The following MSRA variants were observed in gnomAD, a reference collection of about 807,000 sequenced individuals.
MSRA encodes mitochondrial peptide methionine sulfoxide reductase.
MSRA carries 54 observed loss-of-function variants against 31.3 expected under a neutral mutation model. The observed-to-expected ratio is 1.73, with a 90% CI of 1.39 to 2.17. The LOEUF is 2.17. MSRA is among the 30% of genes most tolerant of loss of function. The pLI is 0.00. For synonymous variants in MSRA, 169 were observed against 116.5 expected (o/e 1.45, Z -2.90); for missense variants, 507 against 300.9 (o/e 1.69, Z -5.07).
At chr8:10,374,523 T>C (rs530257557) in intron 5 of MSRA, among the ~76,000 whole-genome samples, 1 of 152,278 alleles carries the variant, frequency 6.6e-6, no homozygotes, top group African/African-American at 2.4e-5. Flanking sequence ...TCAGAAATAT[T>C]TTACAAATCG....
intron 3 of MSRA, among the ~76,000 whole-genome samples, chr8:10,264,686 C>T (rs1047886513): frequency 1.3e-5 from 2 of 152,174 alleles, no homozygotes; most frequent in Non-Finnish European, 2.9e-5. Flanking sequence ...AGCAAATGGC[C>T]TTCTGGTGCA....
At chr8:10,236,042 T>A (rs1407729678) in intron 2 of MSRA, among the ~76,000 whole-genome samples, 1 of 152,168 alleles carries the variant, frequency 6.6e-6, no homozygotes, top group Non-Finnish European at 1.5e-5. Context: ...TATGATCATC[T>A]CAGAAGAAAG....
intron 1 of MSRA, among the ~76,000 whole-genome samples, chr8:10,072,245 C>T (rs1338397184): frequency 6.6e-6 from 1 of 152,044 alleles, no homozygotes; most frequent in Admixed American, 6.5e-5. Context: ...GCCCAGGGCC[C>T]ATTCTTAGGC....
chr8:10,086,861 A>AGAGAGGGAGG (rs1381298811), intron 1 of MSRA, among the ~76,000 whole-genome samples: 1 of 150,382 alleles, frequency 6.6e-6, no homozygotes, highest in Admixed American at 6.6e-5. Context: ...AGAGGAGAGA[A>AGAGAGGGAGG]GAGAGGGAGG....
chr8:10,329,051 A>T (rs937046481), intron 5 of MSRA, among the ~76,000 whole-genome samples: 2 of 152,180 alleles, frequency 1.3e-5, no homozygotes, highest in Non-Finnish European at 2.9e-5. Flanking sequence ...TGCTATTATG[A>T]TCGTACAACA....
At chr8:10,088,110 C>G (rs1798664039) in intron 1 of MSRA, among the ~76,000 whole-genome samples, 1 of 152,128 alleles carries the variant, frequency 6.6e-6, no homozygotes, top group South Asian at 2.1e-4. Context: ...TAGAGGTAGT[C>G]TGTTCATTTT....
intron 5 of MSRA, chr8:10,353,479 TACCGGAGG>T (rs1804316885): frequency 3.3e-6 from 1 of 306,472 alleles, no homozygotes; most frequent in South Asian, 2.0e-5. Context: ...CTGTATTTGG[TACCGGAGG>T]CCCGGAGGCC....
rs1273941584 is a variant in MSRA, at chr8:10,172,284, G to C, written c.143-35549G>C. ...GCTCATGGATTCCAGATCAGCAAAG[G>C]AATGCCATTTAGGAGGCCTTGGGAG... On this transcript the variant is annotated intron_variant, in intron 1 of 5. Transcript: ENST00000317173. 2.6e-5 allele frequency among the ~76,000 whole-genome samples: 4 copies of C among 152,188 alleles called. No individual in the cohort carries two copies. The East Asian group carries it at 5.8e-4, about 22-fold the overall frequency.
intron 3 of MSRA, among the ~76,000 whole-genome samples, chr8:10,249,937 C>A (rs1016466655): frequency 3.9e-5 from 6 of 152,152 alleles, no homozygotes; most frequent in Admixed American, 2.0e-4. Flanking sequence ...ATTAAATATG[C>A]CACTTACTGG....
rs145077055 is a variant in MSRA at position 10,123,081 on chromosome 8, G to C, written c.142+68423G>C. ...GACTGCTCTGTCAAATAGCAGTTCT[G>C]TTTTTAGCTCTTCGAGGAATTGCCA... On this transcript the variant is annotated intron_variant, in intron 1 of 5. Coordinates refer to ENST00000317173, the MANE Select transcript of MSRA (RefSeq NM_012331.5). 1.6e-4 allele frequency among the ~76,000 whole-genome samples: 24 copies of C among 152,300 alleles called. No homozygotes were observed. In the East Asian group the frequency reaches 4.6e-3, roughly 29 times the overall value.
intron 1 of MSRA, among the ~76,000 whole-genome samples, chr8:10,100,088 C>A (rs904011426): frequency 6.6e-6 from 1 of 152,098 alleles, no homozygotes; most frequent in Admixed American, 6.5e-5. Context: ...GCACTAGGGG[C>A]CTTTGAGGGA....
At chr8:10,186,482 A>T (rs1342062218) in intron 1 of MSRA, among the ~76,000 whole-genome samples, 1 of 152,230 alleles carries the variant, frequency 6.6e-6, no homozygotes, top group Non-Finnish European at 1.5e-5. Flanking sequence ...TTGTTCAGCC[A>T]TTAAAATATA....
At chr8:10,054,706 G>C in intron 1 of MSRA, 48 bp downstream of exon 1, 1 of 1,447,244 alleles carries the variant, frequency 6.9e-7, no homozygotes, top group Non-Finnish European at 9.2e-7. Context: ...CTGCGCATGC[G>C]CGCCTTTGCC....
At chr8:10,146,193 G>T (rs1450614112) in intron 1 of MSRA, among the ~76,000 whole-genome samples, 1 of 152,214 alleles carries the variant, frequency 6.6e-6, no homozygotes, top group Non-Finnish European at 1.5e-5. Context: ...CGTAAAGGAA[G>T]AACCCATATT....
chr8:10,155,160 G>C (rs1451363083), intron 1 of MSRA, among the ~76,000 whole-genome samples: 1 of 152,040 alleles, frequency 6.6e-6, no homozygotes, highest in Non-Finnish European at 1.5e-5. Context: ...CGACAATAAG[G>C]ATAAAGAAAT....
intron 5 of MSRA, among the ~76,000 whole-genome samples, chr8:10,342,807 G>T (rs1803514083): frequency 6.6e-6 from 1 of 152,230 alleles, no homozygotes; most frequent in Admixed American, 6.5e-5. Context: ...CTGCATCCCA[G>T]TTGAGTGACT....
rs971842435 is a variant in MSRA at position 10,149,509 on chromosome 8, C to T, written c.143-58324C>T. ...TGTGCTGATTGAAGGGAGAAGGTCG[C>T]ACCTTATTACAACTTACATCGCCAC... On this transcript the variant is annotated intron_variant, in intron 1 of 5. Coordinates refer to ENST00000317173, the MANE Select transcript of MSRA (RefSeq NM_012331.5). 3.9e-5 allele frequency among the ~76,000 whole-genome samples: 6 copies of T among 152,176 alleles called. 1 individual carries two copies. Among genetic ancestry groups the T allele is most frequent in the East Asian group, 1.9e-4 (1 of 5,158 alleles).
At chr8:10,391,646 A>G (rs544270009) in intron 5 of MSRA, among the ~76,000 whole-genome samples, 82 of 152,372 alleles carry the variant, frequency 5.4e-4, no homozygotes, top group African/African-American at 1.8e-3. Context: ...CACACTGGCC[A>G]TCTGACCTGA....
At chr8:10,364,744 G>A (rs1475100061) in intron 5 of MSRA, among the ~76,000 whole-genome samples, 6 of 152,176 alleles carry the variant, frequency 3.9e-5, no homozygotes, top group Admixed American at 6.5e-5. Context: ...GCAGATGGGC[G>A]TGCCAGATAT....
Sources: gnomAD v4.1 joint callset for allele counts (sites outside exome capture counted in the v4.1 genomes callset) on GRCh38, gnomAD v4.1.1 for gene constraint, MANE v1.5 for transcripts, NCBI Gene and HGNC (gene_info 2026-07-23, HGNC 2026-07-21) for gene names.